Variants in DDX10 observed in about 807,000 individuals in gnomAD.
DDX10 encodes probable ATP-dependent RNA helicase DDX10.
DDX10 carries 74 observed loss-of-function variants against 104.3 expected under a neutral mutation model. The ratio of observed to expected loss-of-function variants is 0.71; its 90% CI spans 0.59 to 0.86. DDX10 has a LOEUF of 0.86. Ranked by LOEUF, DDX10 falls within the 40% of genes least tolerant of loss-of-function variation. DDX10 has a pLI of 0.00. For missense variants in DDX10, 952 were observed against 1,040.0 expected, an observed-to-expected ratio of 0.92 and a Z score of 1.16; for synonymous variants, 351 against 353.4, an observed-to-expected ratio of 0.99 and a Z score of 0.08.
chr11:108,772,628 G>A (rs2094364715), intron 13 of DDX10, among the ~76,000 whole-genome samples: 1 of 152,198 alleles, frequency 6.6e-6, no homozygotes, highest in African/African-American at 2.4e-5. Context: ...AAGTTTGTGG[G>A]AATTTGCAGC....
At chr11:108,868,328 T>C (rs754840006) in intron 16 of DDX10, 5 of 151,568 alleles carry the variant, frequency 3.3e-5, no homozygotes, top group African/African-American at 4.8e-5. Context: ...TTGAAGACCA[T>C]GAAGGTATGG....
At chr11:108,818,967 A>G (rs1453406565) in intron 13 of DDX10, among the ~76,000 whole-genome samples, 1 of 152,144 alleles carries the variant, frequency 6.6e-6, no homozygotes, top group African/African-American at 2.4e-5. Flanking sequence ...CTATTTTCCT[A>G]ACTTAACGTT....
At chr11:108,855,783 G>T (rs1862860152) in intron 16 of DDX10, among the ~76,000 whole-genome samples, 2 of 152,130 alleles carry the variant, frequency 1.3e-5, no homozygotes, top group African/African-American at 4.8e-5. Flanking sequence ...TTAAACAAAA[G>T]TCTGAGGCTG....
chr11:108,693,886 A>T (rs1250807005), intron 9 of DDX10, among the ~76,000 whole-genome samples: 2 of 152,230 alleles, frequency 1.3e-5, no homozygotes, highest in African/African-American at 4.8e-5. Flanking sequence ...CCTGTCAGTT[A>T]GGTCTAGGAC....
At chr11:108,688,744 G>T (rs548816030) in intron 6 of DDX10, among the ~76,000 whole-genome samples, 192 bp from the exon 7 acceptor site, 1 of 152,186 alleles carries the variant, frequency 6.6e-6, no homozygotes, top group Admixed American at 6.5e-5. Context: ...AAGGGATTTT[G>T]AATGTGTTTT....
chr11:108,791,777 G>C (rs1206457842), intron 13 of DDX10, among the ~76,000 whole-genome samples: 1 of 152,128 alleles, frequency 6.6e-6, no homozygotes, highest in South Asian at 2.1e-4. Flanking sequence ...TGTGGATGTA[G>C]GTTTTCATTT....
chr11:108,891,001 T>C (rs766919327), intron 16 of DDX10, among the ~76,000 whole-genome samples: 1 of 152,140 alleles, frequency 6.6e-6, no homozygotes, highest in Admixed American at 6.6e-5. Context: ...GAGACCATTT[T>C]TGTGTGTGTC....
Position 108,719,831 on chromosome 11 carries a change from T to C in DDX10, c.1445T>C (p.Met482Thr). The change falls in exon 12 of 18, where the codon ATG (methionine) becomes ACG (threonine). Residue 482 changes from methionine (M) to threonine (T), a missense_variant. This residue lies in a region of DDX10 where 533 missense variants were observed against 534.1 expected (regional missense o/e 1.00). Coordinates refer to ENST00000322536, the MANE Select transcript of DDX10 (RefSeq NM_004398.4). ...TCCTATGTACGATCTGTATATCTGATGAAGGATAAAGAAGTATTTGATGTG... is the reference window on the plus strand; with the variant it reads ...TCCTATGTACGATCTGTATATCTGACGAAGGATAAAGAAGTATTTGATGTG... ...FVSYVRSVYL[M>T]KDKEVFDVSK... 6.2e-7 allele frequency: 1 copy of C among 1,607,330 alleles called. No homozygotes were observed.
At chr11:108,797,137 A>G (rs71489923) in intron 13 of DDX10, among the ~76,000 whole-genome samples, 11,309 of 152,016 alleles carry the variant, frequency 0.074, 467 homozygotes, top group Middle Eastern at 0.13. Context: ...GGGTTGAAGC[A>G]ATTCTCCTGC....
chr11:108,899,691 A>G (rs1210695039), intron 16 of DDX10, among the ~76,000 whole-genome samples: 1 of 152,106 alleles, frequency 6.6e-6, no homozygotes, highest in African/African-American at 2.4e-5. Flanking sequence ...TCTCATATTG[A>G]ATTGTAATCC....
Position 108,838,571 on chromosome 11 carries a change from A to G in DDX10, c.2085+6A>G, listed in dbSNP as rs757946034. ...CATTTACTGATGAAGGGGAGGTAAG[A>G]TTCTAGAAGTGTTTCATTTCTGAGG... On this transcript the variant is annotated splice_donor_region_variant and intron_variant, in intron 14 of 17. Transcript: ENST00000322536. 6.2e-7 allele frequency: 1 copy of G among 1,604,164 alleles called. No individual in the cohort carries two copies. The highest frequency in any genetic ancestry group is 8.5e-7 in the Non-Finnish European group (1 of 1,175,800).
At chr11:108,794,135 A>G (rs1164839330) in intron 13 of DDX10, among the ~76,000 whole-genome samples, 1 of 152,208 alleles carries the variant, frequency 6.6e-6, no homozygotes, top group Admixed American at 6.5e-5. Flanking sequence ...TGCTTGCTGC[A>G]ATAAACACTG....
intron 9 of DDX10, among the ~76,000 whole-genome samples, chr11:108,705,814 T>C (rs2094275029): frequency 1.3e-5 from 2 of 152,154 alleles, no homozygotes; most frequent in African/African-American, 4.8e-5. Flanking sequence ...ATTGGGAAAA[T>C]CTGTATGCAA....
At chr11:108,745,931 C>T (rs1284449225) in intron 13 of DDX10, among the ~76,000 whole-genome samples, 2 of 152,028 alleles carry the variant, frequency 1.3e-5, no homozygotes, top group Middle Eastern at 3.2e-3. Flanking sequence ...TTCTATCATA[C>T]AATTTAGTCA....
At chr11:108,713,494 C>T (rs533400933) in intron 10 of DDX10, among the ~76,000 whole-genome samples, 4 of 152,128 alleles carry the variant, frequency 2.6e-5, no homozygotes, top group Admixed American at 6.6e-5. Flanking sequence ...TTTGTTCTCT[C>T]GCATTTCTTT....
At chr11:108,720,213 T>G (rs1370839628) in intron 12 of DDX10, among the ~76,000 whole-genome samples, 3 of 152,266 alleles carry the variant, frequency 2.0e-5, no homozygotes, top group Non-Finnish European at 4.4e-5. Flanking sequence ...TCAGTTCTTG[T>G]TAATCAGGGA....
chr11:108,883,044 A>G (rs908382807), intron 16 of DDX10, among the ~76,000 whole-genome samples: 10 of 152,196 alleles, frequency 6.6e-5, no homozygotes, highest in African/African-American at 1.9e-4. Context: ...GGAGCAGGAA[A>G]GGGATATGTT....
chr11:108,700,488 TC>T (rs1466687222), intron 9 of DDX10, among the ~76,000 whole-genome samples: 1 of 152,180 alleles, frequency 6.6e-6, no homozygotes, highest in Non-Finnish European at 1.5e-5. Context: ...GACCTGCAGC[TC>T]CCATGCAGGG....
chr11:108,861,901 C>T (rs1862946139), intron 16 of DDX10, among the ~76,000 whole-genome samples: 1 of 152,136 alleles, frequency 6.6e-6, no homozygotes. Context: ...CGGTGCATGC[C>T]TGTAGTCCCA....
Sources: gnomAD v4.1 joint callset for allele counts (sites outside exome capture counted in the v4.1 genomes callset) on GRCh38, gnomAD v4.1.1 for gene constraint, gnomAD v4.1.1 regional missense constraint, MANE v1.5 for transcripts, NCBI Gene and HGNC (gene_info 2026-07-23, HGNC 2026-07-21) for gene names.